The following ZNHIT6 variants were observed in gnomAD, a reference collection of about 807,000 sequenced individuals.
ZNHIT6 encodes the protein zinc finger HIT-type containing 6.
ZNHIT6 carries 45 observed loss-of-function variants against 57.2 expected under a neutral mutation model. That is an observed-to-expected ratio of 0.79 (90% CI 0.62 to 1.01). The LOEUF is 1.01. Among genes scored for constraint, ZNHIT6 ranks in the 50% least tolerant of loss-of-function variants. The pLI, the probability that ZNHIT6 is intolerant of heterozygous loss-of-function variation, is 0.00. For synonymous variants in ZNHIT6, 188 were observed against 190.0 expected (o/e 0.99, Z 0.09); for missense variants, 528 against 567.3 (o/e 0.93, Z 0.70).
At chr1:85,699,773 A>C (rs1662476157) in intron 5 of ZNHIT6, among the ~76,000 whole-genome samples, 3 of 152,192 alleles carry the variant, frequency 2.0e-5, no homozygotes, top group Non-Finnish European at 4.4e-5. Context: ...AGGCTGTTTA[A>C]TACCGTGTTA....
In ZNHIT6 at chr1:85,678,603, T is replaced by C. The variant is rs568995065; in HGVS notation, c.1169+98A>G. On this transcript the variant is annotated intron_variant, in intron 7 of 9. Transcript: ENST00000370574. Reference sequence around the variant, plus strand: ...CCAAGAAAATGTGATAGAAAGTAAATTGTACTACACATCACATTCTAATAG... The same window carrying C: ...CCAAGAAAATGTGATAGAAAGTAAACTGTACTACACATCACATTCTAATAG... 1.3e-3 allele frequency: 991 copies of C among 784,140 alleles called. 2 individuals carry two copies. The highest frequency in any genetic ancestry group is 1.5e-3 in the South Asian group (85 of 58,292). The allele number at this position is 784,140 out of a possible 1,614,324, so 48.6% of individuals were successfully genotyped here.
chr1:85,694,874 G>A, intron 5 of ZNHIT6, among the ~76,000 whole-genome samples: 1 of 152,130 alleles, frequency 6.6e-6, no homozygotes, highest in East Asian at 1.9e-4. Context: ...TATTCCCATA[G>A]GGGGCAGTAA....
intron 8 of ZNHIT6, among the ~76,000 whole-genome samples, chr1:85,665,270 T>C (rs148216002): frequency 1.3e-5 from 2 of 152,034 alleles, no homozygotes; most frequent in Non-Finnish European, 2.9e-5. Context: ...TTATATATAT[T>C]ATTTAAGGTA....
At position 85,678,752 on chromosome 1, in the gene ZNHIT6, A is replaced by G. The variant is rs1228794592; in HGVS notation, c.1118T>C (p.Ile373Thr). The stretch of plus-strand genomic sequence containing the variant: ...TTCAGGATCAATGTAAGGTTTTAGG[A>G]TTTCATTAATAGTTTTATCATCTGG... ...RVPDDKTINEILKPYIDPEKS... is the reference protein window; with the variant it reads ...RVPDDKTINETLKPYIDPEKS... The change falls in exon 7 of 10, where the codon ATC becomes ACC. Residue 373 changes from isoleucine to threonine, a missense_variant. Ile to Thr is a moderately conservative substitution (Grantham distance 89). Coordinates refer to ENST00000370574, the MANE Select transcript of ZNHIT6 (RefSeq NM_017953.4). 2 of 1,586,942 alleles carry G rather than the reference A, an allele frequency of 1.3e-6. No individual in the cohort carries two copies. The highest frequency in any genetic ancestry group is 1.7e-6 in the Non-Finnish European group (2 of 1,165,524).
Position 85,707,648 on chromosome 1 carries a change from G to C in ZNHIT6, c.637C>G (p.Arg213Gly). 1 of 1,552,126 alleles carries C rather than the reference G, an allele frequency of 6.4e-7. No homozygotes were observed. The highest frequency in any genetic ancestry group is 1.3e-5 in the South Asian group (1 of 77,696). The change falls in exon 1 of 10, where the codon CGG becomes GGG. Residue 213 changes from arginine to glycine, a missense_variant. By Grantham distance (125) the Arg-to-Gly change is moderately radical. Transcript: ENST00000370574. ...PPINHPVGCK[R>G]KLAMSRCETC... ...CCCTACCTTGACATGGCCAGTTTCC[G>C]CTTGCAGCCCACCGGGTGATTTATC...
intron 5 of ZNHIT6, among the ~76,000 whole-genome samples, chr1:85,699,031 A>T (rs1310849057): frequency 1.3e-5 from 2 of 152,144 alleles, no homozygotes; most frequent in African/African-American, 4.8e-5. Flanking sequence ...AAGGTCACCT[A>T]ATGTATAATC....
chr1:85,657,824 T>C, intron 9 of ZNHIT6, 23 bp downstream of exon 9: 1 of 1,603,974 alleles, frequency 6.2e-7, no homozygotes, highest in Non-Finnish European at 8.5e-7. Flanking sequence ...TTCTAAGCAT[T>C]ACAGAAACAA....
rs183328520 is a variant in ZNHIT6 at position 85,695,725 on chromosome 1, C to T, written c.1019+6432G>A. 2.1e-3 allele frequency among the ~76,000 whole-genome samples: 320 copies of T among 152,274 alleles called. 1 individual carries two copies. The highest frequency in any genetic ancestry group is 4.1e-3 in the South Asian group (20 of 4,824). ...ATTAACAGCTTCAGTCCAAACTCTACTACCAGAGGGGACAAAACAACATGG... is the reference window on the plus strand; with the variant it reads ...ATTAACAGCTTCAGTCCAAACTCTATTACCAGAGGGGACAAAACAACATGG... On this transcript the variant is annotated intron_variant, in intron 5 of 9. Transcript: ENST00000370574.
rs1338384851 is a variant in ZNHIT6 at position 85,708,056 on chromosome 1, C to T, written c.229G>A (p.Val77Ile). The change falls in exon 1 of 10, where the codon GTA becomes ATA. Residue 77 changes from valine (V) to isoleucine (I), a missense_variant. Coordinates refer to ENST00000370574, the MANE Select transcript of ZNHIT6 (RefSeq NM_017953.4). ...RPEEIPMDLT[V>I]VKQEIIDWPG... ...CAGTCTATAATTTCCTGCTTCACTA[C>T]CGTTAGGTCCATCGGTATTTCCTCT... The T allele has an allele frequency of 6.2e-7, 1 of 1,614,168 alleles. No homozygotes were observed. The highest frequency in any genetic ancestry group is 8.5e-7 in the Non-Finnish European group (1 of 1,180,030).
At chr1:85,679,571 T>TTG (rs1661806042) in intron 6 of ZNHIT6, among the ~76,000 whole-genome samples, 1 of 150,746 alleles carries the variant, frequency 6.6e-6, no homozygotes, top group East Asian at 1.9e-4. Context: ...ATGTTTTTTT[T>TTG]TTTTTTTTTT....
chr1:85,674,957 G>C (rs1661659650), intron 8 of ZNHIT6, among the ~76,000 whole-genome samples: 1 of 152,132 alleles, frequency 6.6e-6, no homozygotes, highest in Non-Finnish European at 1.5e-5. Context: ...CACACTGCTT[G>C]GGCCCAGAGA....
intron 7 of ZNHIT6, among the ~76,000 whole-genome samples, chr1:85,678,027 C>G (rs1280565897): frequency 1.3e-5 from 2 of 152,070 alleles, no homozygotes; most frequent in African/African-American, 2.4e-5. Context: ...TGTTATCATT[C>G]TTATTTCACT....
chr1:85,695,057 A>T (rs1418729024), intron 5 of ZNHIT6, among the ~76,000 whole-genome samples: 1 of 152,128 alleles, frequency 6.6e-6, no homozygotes, highest in East Asian at 1.9e-4. Flanking sequence ...TGAGCTCAGG[A>T]GATCAAGACC....
chr1:85,662,359 TAA>T (rs1270712308), intron 8 of ZNHIT6, among the ~76,000 whole-genome samples: 1 of 152,148 alleles, frequency 6.6e-6, no homozygotes, highest in Non-Finnish European at 1.5e-5. Flanking sequence ...ATTTTTCCAC[TAA>T]AATAAGATCA....
intron 4 of ZNHIT6, among the ~76,000 whole-genome samples, chr1:85,703,439 A>G (rs1448811805): frequency 2.0e-5 from 3 of 152,178 alleles, no homozygotes; most frequent in African/African-American, 7.2e-5. Flanking sequence ...TGCAGGATAT[A>G]CCAGTAGGCC....
At chr1:85,696,175 A>ATTT (rs11327941) in intron 5 of ZNHIT6, among the ~76,000 whole-genome samples, 6 of 143,756 alleles carry the variant, frequency 4.2e-5, no homozygotes, top group South Asian at 4.4e-4. Context: ...TATTAACTGC[A>ATTT]TTTTTTTTTT....
intron 9 of ZNHIT6, among the ~76,000 whole-genome samples, chr1:85,654,681 A>G (rs992496637): frequency 1.6e-4 from 25 of 152,160 alleles, no homozygotes; most frequent in African/African-American, 6.0e-4. Flanking sequence ...CACAATTTAG[A>G]GTATGTTTGC....
At chr1:85,687,280 T>TGAAAAAA (rs1662074805) in intron 5 of ZNHIT6, among the ~76,000 whole-genome samples, 1 of 7,206 alleles carries the variant, frequency 1.4e-4, no homozygotes, top group Non-Finnish European at 6.1e-4. Context: ...GAAGACTATC[T>TGAAAAAA]CAAAAAACAA....
At position 85,653,929 on chromosome 1, in the gene ZNHIT6, G is replaced by A; in HGVS notation, c.*129C>T. 2.9e-6 allele frequency: 2 copies of A among 680,460 alleles called. No homozygotes were observed. The allele number at this position is 680,460 out of a possible 1,614,324, so 42.2% of individuals were successfully genotyped here. A position where few individuals can be genotyped will look rare whatever the true frequency, so the allele number is the denominator to read the frequency against. On this transcript the variant is annotated 3_prime_UTR_variant, in exon 10 of 10. Coordinates refer to ENST00000370574, the MANE Select transcript of ZNHIT6 (RefSeq NM_017953.4). ...AAAATACATTTTTTAAAAGAGTTAAGCTTATTTTTCATACAAAGAAAAAAT... is the reference window on the plus strand; with the variant it reads ...AAAATACATTTTTTAAAAGAGTTAAACTTATTTTTCATACAAAGAAAAAAT...
Sources: allele counts gnomAD v4.1 joint callset (sites outside exome capture counted in the v4.1 genomes callset), GRCh38; gene constraint gnomAD v4.1.1; transcripts MANE v1.5; gene names NCBI Gene and HGNC (gene_info 2026-07-23, HGNC 2026-07-21).